The following PCDHA7 variants were observed in gnomAD, a reference collection of about 807,000 sequenced individuals.
The protein encoded by PCDHA7 is protocadherin alpha 7.
PCDHA7 carries 37 observed loss-of-function variants against 57.2 expected under a neutral mutation model. That is an observed-to-expected ratio of 0.65 (90% CI 0.50 to 0.85). The LOEUF is 0.85. PCDHA7 is among the 40% of genes least tolerant of loss of function. The pLI is 0.00. For synonymous variants in PCDHA7, 553 were observed against 558.8 expected (o/e 0.99, Z 0.15); for missense variants, 1,188 against 1,241.8 (o/e 0.96, Z 0.65).
At chr5:140,905,787 G>C (rs1468265319) in intron 1 of PCDHA7, among the ~76,000 whole-genome samples, 1 of 152,012 alleles carries the variant, frequency 6.6e-6, no homozygotes, top group African/African-American at 2.4e-5. Flanking sequence ...TATTAGTCAG[G>C]GTTCTCTAGA....
At chr5:140,990,780 G>A (rs900658402) in intron 3 of PCDHA7, among the ~76,000 whole-genome samples, 20 of 152,192 alleles carry the variant, frequency 1.3e-4, no homozygotes, top group African/African-American at 4.8e-4. Flanking sequence ...CTCTGTGTTG[G>A]ACGATGAACC....
intron 1 of PCDHA7, chr5:140,870,383 G>C: frequency 6.2e-7 from 1 of 1,614,242 alleles, no homozygotes; most frequent in South Asian, 1.1e-5. Flanking sequence ...GTGACTGCGC[G>C]GGATGGGGGT....
intron 1 of PCDHA7, among the ~76,000 whole-genome samples, chr5:140,921,330 C>T (rs1285696901): frequency 6.6e-6 from 1 of 152,026 alleles, no homozygotes; most frequent in Non-Finnish European, 1.5e-5. Flanking sequence ...TCTGTCTGGT[C>T]CAATCACATA....
chr5:140,968,587 C>T (rs1554230892), intron 1 of PCDHA7: 8 of 1,614,196 alleles, frequency 5.0e-6, no homozygotes, highest in Non-Finnish European at 6.8e-6. Context: ...TCACCAAAGT[C>T]ATAGCTATGG....
At chr5:140,929,768 C>T (rs534287991) in intron 1 of PCDHA7, 1 of 175,482 alleles carries the variant, frequency 5.7e-6, no homozygotes, top group South Asian at 2.0e-4. Context: ...ACGATAACCA[C>T]AAAAGATGTA....
chr5:140,871,999 T>C (rs116431688), intron 1 of PCDHA7, among the ~76,000 whole-genome samples: 316 of 152,330 alleles, frequency 2.1e-3, no homozygotes, highest in African/African-American at 7.4e-3. Flanking sequence ...CAGTGGCTAT[T>C]TACAGGTGAC....
intron 1 of PCDHA7, among the ~76,000 whole-genome samples, chr5:140,920,841 T>TAAA (rs781921146): frequency 2.7e-5 from 3 of 109,230 alleles, no homozygotes; most frequent in East Asian, 2.6e-4. Context: ...AGACCAAATC[T>TAAA]AAAAAAAAAA....
At chr5:140,926,946 A>G in intron 1 of PCDHA7, 1 of 1,590,228 alleles carries the variant, frequency 6.3e-7, no homozygotes. Context: ...GCGGCGCTGC[A>G]GCGGGACAGC....
At chr5:140,905,251 A>G (rs1382207700) in intron 1 of PCDHA7, among the ~76,000 whole-genome samples, 4 of 152,174 alleles carry the variant, frequency 2.6e-5, no homozygotes, top group East Asian at 1.9e-4. Context: ...ATTCTTCCAC[A>G]TGAGGCTTGG....
rs1407676200 is a variant in PCDHA7 at position 140,843,151 on chromosome 5, G to A, written c.2355+6413G>A. 6 of 1,596,104 alleles carry A rather than the reference G, an allele frequency of 3.8e-6. 1 individual carries two copies. The highest frequency in any genetic ancestry group is 5.1e-6 in the Non-Finnish European group (6 of 1,165,608). On this transcript the variant is annotated intron_variant, in intron 1 of 3. Coordinates refer to ENST00000525929, the MANE Select transcript of PCDHA7 (RefSeq NM_018910.3). ...GCTACAACGCGTGGCTTTCGTATGA[G>A]CTGCAGCCAGCTGCAAGCAGCCCTC...
At position 140,978,971 on chromosome 5, in the gene PCDHA7, G is replaced by T. The variant is rs782774245; in HGVS notation, c.2378G>T (p.Trp793Leu). Residue 793 changes from tryptophan (W) to leucine (L), a missense_variant, in exon 2 of 4, where the codon TGG becomes TTG. Physicochemically the swap from Trp to Leu is moderately conservative, Grantham distance 61 (BLOSUM62 -2). Coordinates refer to ENST00000525929, the MANE Select transcript of PCDHA7 (RefSeq NM_018910.3). ...TDNPRQPNPD[W>L]RYSASLRAGM... is the part of the protein sequence containing the mutation. ...CAGCCACGACAGCCCAACCCTGACT[G>T]GCGTTACTCTGCCTCCCTGAGAGCA... The T allele has an allele frequency of 6.2e-7, 1 of 1,614,170 alleles. No individual in the cohort carries two copies. The highest frequency in any genetic ancestry group is 1.1e-5 in the South Asian group (1 of 91,076).
chr5:140,850,943 T>G lies in PCDHA7; in HGVS notation c.2355+14205T>G, dbSNP rs2150503194. On this transcript the variant is annotated intron_variant, in intron 1 of 3. Coordinates refer to ENST00000525929, the MANE Select transcript of PCDHA7 (RefSeq NM_018910.3). The stretch of plus-strand genomic sequence containing the variant: ...ATATAATTTTTTTTCTTGAAAGATA[T>G]TATCGATTACTCCCAGGGGCCGTTC... 7.3e-6 allele frequency: 11 copies of G among 1,506,780 alleles called. 2 individuals are homozygous for G. Among genetic ancestry groups the G allele is most frequent in the Non-Finnish European group, 8.9e-6 (10 of 1,121,750 alleles). The allele number at this position is 1,506,780 out of a possible 1,614,324, so 93.3% of individuals were successfully genotyped here.
chr5:140,954,017 T>C (rs2094968085), intron 1 of PCDHA7, among the ~76,000 whole-genome samples: 1 of 152,162 alleles, frequency 6.6e-6, no homozygotes, highest in Admixed American at 6.5e-5. Flanking sequence ...CTCCCACACA[T>C]AGTGGGACGA....
At chr5:140,962,220 T>A (rs1174731292) in intron 1 of PCDHA7, among the ~76,000 whole-genome samples, 2 of 152,186 alleles carry the variant, frequency 1.3e-5, no homozygotes, top group African/African-American at 4.8e-5. Flanking sequence ...GATCTTGAGG[T>A]TCAAGTTTCA....
At chr5:140,884,049 TGC>T (rs1554181152) in intron 1 of PCDHA7, 1 of 1,613,414 alleles carries the variant, frequency 6.2e-7, no homozygotes. Context: ...GTGGCGAAGG[TGC>T]GCGCGGTGGA....
Position 140,843,849 on chromosome 5 carries a change from T to G in PCDHA7, c.2355+7111T>G. 2 of 972,226 alleles carry G rather than the reference T, an allele frequency of 2.1e-6. 1 individual carries two copies. Among genetic ancestry groups the G allele is most frequent in the South Asian group, 3.4e-5 (2 of 58,960 alleles). 60.2% of individuals were successfully genotyped at this position (972,226 alleles called of 1,614,324 possible). ...ACATTGTTTAGTTTTTAGAAACCTTTTATAATTAATTGAATTTTCTCAGTG... is the reference window on the plus strand; with the variant it reads ...ACATTGTTTAGTTTTTAGAAACCTTGTATAATTAATTGAATTTTCTCAGTG... On this transcript the variant is annotated intron_variant, in intron 1 of 3. Transcript: ENST00000525929.
intron 1 of PCDHA7, chr5:140,858,289 T>C: frequency 6.3e-7 from 1 of 1,597,184 alleles, no homozygotes; most frequent in Non-Finnish European, 8.6e-7. Flanking sequence ...GGAGCTGGTC[T>C]TACTCGCAGC....
In PCDHA7 at chr5:140,870,004, G is replaced by T. The variant is rs374513388; in HGVS notation, c.2355+33266G>T. 129 of 1,613,494 alleles carry T rather than the reference G, an allele frequency of 8.0e-5. No homozygotes were observed. Among genetic ancestry groups the T allele is most frequent in the Non-Finnish European group, 1.1e-4 (126 of 1,179,842 alleles). The stretch of plus-strand genomic sequence containing the variant: ...TACACTAGATCAAAATAATGGAGAA[G>T]TGAGGGTCAATGGAACTTTAGATTA... On this transcript the variant is annotated intron_variant, in intron 1 of 3. Coordinates refer to ENST00000525929, the MANE Select transcript of PCDHA7 (RefSeq NM_018910.3).
chr5:140,884,449 C>T, intron 1 of PCDHA7: 1 of 1,613,826 alleles, frequency 6.2e-7, no homozygotes, highest in Non-Finnish European at 8.5e-7. Context: ...CGGCACCGCC[C>T]ACCGAGGGCG....
Sources: allele counts gnomAD v4.1 joint callset (sites outside exome capture counted in the v4.1 genomes callset), GRCh38; gene constraint gnomAD v4.1.1; transcripts MANE v1.5; gene names NCBI Gene and HGNC (gene_info 2026-07-23, HGNC 2026-07-21).